The following CASP2 variants were observed in gnomAD, a reference collection of about 807,000 sequenced individuals.
CASP2 encodes the protein caspase 2.
In CASP2, 38 loss-of-function variants were observed where a neutral mutation model predicts 54.4. The ratio of observed to expected loss-of-function variants is 0.70; its 90% CI spans 0.54 to 0.92. The LOEUF (loss-of-function observed/expected upper bound fraction) is 0.92. CASP2 is among the 40% of genes least tolerant of loss of function. The pLI, the probability that CASP2 is intolerant of heterozygous loss-of-function variation, is 0.00. For missense variants in CASP2, 512 were observed against 579.6 expected (o/e 0.88, Z 1.20); for synonymous variants, 215 against 216.3 (o/e 0.99, Z 0.05).
intron 6 of CASP2, chr7:143,298,619 C>G (rs1017409737): frequency 6.6e-6 from 1 of 152,134 alleles, no homozygotes; most frequent in African/African-American, 2.4e-5. Context: ...CTATGCTGAT[C>G]AGGTGTCCAA....
chr7:143,299,887 C>T (rs1801863734), intron 6 of CASP2, 36 bp from the exon 7 acceptor site: 1 of 1,612,654 alleles, frequency 6.2e-7, no homozygotes, highest in African/African-American at 1.3e-5. Flanking sequence ...TTGGTGCTGA[C>T]CTTAGTGCAC....
At chr7:143,300,578 T>G (rs755800033) in intron 8 of CASP2, 153 of 1,467,558 alleles carry the variant, frequency 1.0e-4, no homozygotes, top group Non-Finnish European at 1.3e-4. Flanking sequence ...CTGAGAACTC[T>G]TACTCTTTTC....
chr7:143,293,067 T>G (rs1051202545), intron 4 of CASP2: 1 of 619,204 alleles, frequency 1.6e-6, no homozygotes. Flanking sequence ...TGACTTCCCC[T>G]TTCTTGTCTG....
chr7:143,295,181 C>T (rs965269297), intron 6 of CASP2, among the ~76,000 whole-genome samples: 3 of 152,150 alleles, frequency 2.0e-5, no homozygotes, highest in African/African-American at 4.8e-5. Flanking sequence ...GCGCATGCAA[C>T]CATACCTGGC....
Position 143,304,762 on chromosome 7 carries a change from C to T in CASP2, c.1206C>T (p.His402=), listed in dbSNP as rs780394814. Residue 402 remains histidine (H), a synonymous_variant, in exon 10 of 11, where the codon CAC becomes CAT. Transcript: ENST00000310447. The part of the protein sequence containing the change: ...QVFSERACDM[H]VADMLVKVNA... ...TTTCTGAGCGGGCTTGTGATATGCA[C>T]GTGGCCGACATGCTGGTTAAGGTGA... is the stretch of plus-strand genomic sequence containing the variant. The T allele has an allele frequency of 5.0e-6, 8 of 1,613,936 alleles. No individual in the cohort carries two copies. The highest frequency in any genetic ancestry group is 1.6e-4 in the Middle Eastern group (1 of 6,084).
chr7:143,304,171 A>T (rs2116807430), intron 9 of CASP2, among the ~76,000 whole-genome samples: 1 of 152,310 alleles, frequency 6.6e-6, no homozygotes. Context: ...TTCTTTGAGC[A>T]TCATATTGGC....
chr7:143,288,673 G>A (rs559651492), intron 1 of CASP2, 144 bp downstream of exon 1: 85 of 759,048 alleles, frequency 1.1e-4, no homozygotes, highest in East Asian at 9.5e-4. Context: ...TGGGACGCCC[G>A]CCCGAGCCGC....
Position 143,300,071 on chromosome 7 carries a change from A to G in CASP2, c.876+20A>G. On this transcript the variant is annotated intron_variant, in intron 7 of 10. Transcript: ENST00000310447. The stretch of plus-strand genomic sequence containing the variant: ...CTCCAGGTGCGGATACCCTGGTGGA[A>G]GCCAACTGTTGAAACCAGGCTGCTT... 1.9e-6 allele frequency: 3 copies of G among 1,614,092 alleles called. No homozygotes were observed. Among genetic ancestry groups the G allele is most frequent in the Non-Finnish European group, 2.5e-6 (3 of 1,180,014 alleles).
rs752010369 is a variant in CASP2 at position 143,292,377 on chromosome 7, C to T, written c.303C>T (p.Ala101=). ...AGAGGGGTCCCCAAGCTTTTGATGCCTTCTGTGAAGCACTGAGGGAGACCA... is the reference window on the plus strand; with the variant it reads ...AGAGGGGTCCCCAAGCTTTTGATGCTTTCTGTGAAGCACTGAGGGAGACCA... ...LPKRGPQAFD[A]FCEALRETKQ... Residue 101 remains alanine (A), a synonymous_variant, in exon 3 of 11, where the codon GCC becomes GCT. Coordinates refer to ENST00000310447, the MANE Select transcript of CASP2 (RefSeq NM_032982.4). 1.2e-6 allele frequency: 2 copies of T among 1,614,152 alleles called. No homozygotes were observed. The highest frequency in any genetic ancestry group is 2.2e-5 in the South Asian group (2 of 91,080).
In CASP2 at chr7:143,291,547, G is replaced by T; in HGVS notation, c.82G>T (p.Gly28Ter). 6.2e-7 allele frequency: 1 copy of T among 1,614,000 alleles called. No homozygotes were observed. Residue 28 changes from glycine (G) to a stop codon, truncating the protein, a stop_gained, in exon 2 of 11, where the codon GGA (glycine) becomes TGA (stop). Transcript: ENST00000310447. LOFTEE classifies it high-confidence loss of function. ...TCTACCGTTTATCTGTAGGATATTG[G>T]GAGTGTGTGGCATGCATCCTCATCA... ...MAADRGRRIL[G>*]VCGMHPHHQE... is the part of the protein sequence containing the mutation.
intron 9 of CASP2, 61 bp from the exon 10 acceptor site, chr7:143,304,613 G>T (rs754863580): frequency 3.6e-5 from 45 of 1,250,802 alleles, no homozygotes; most frequent in Middle Eastern, 2.3e-4. Flanking sequence ...GCCGAGTCTA[G>T]TTTGGGAAGT....
At chr7:143,290,055 C>CTTTTTTTT (rs35440867) in intron 1 of CASP2, among the ~76,000 whole-genome samples, 4 of 114,518 alleles carry the variant, frequency 3.5e-5, no homozygotes, top group African/African-American at 7.5e-5. Flanking sequence ...TTTTCCCTCC[C>CTTTTTTTT]TTTTTTTTTT....
chr7:143,296,835 A>G (rs1422213512), intron 6 of CASP2, among the ~76,000 whole-genome samples: 3 of 151,566 alleles, frequency 2.0e-5, no homozygotes, highest in Admixed American at 1.3e-4. Flanking sequence ...AGTCTTAGAG[A>G]CTCCTCTTCC....
chr7:143,300,650 CTG>C, intron 8 of CASP2: 1 of 1,273,272 alleles, frequency 7.9e-7, no homozygotes, highest in Non-Finnish European at 1.0e-6. Flanking sequence ...GATTTTTGAT[CTG>C]TCTTTTTCCT....
chr7:143,297,458 T>A (rs897516266), intron 6 of CASP2, among the ~76,000 whole-genome samples: 66 of 152,236 alleles, frequency 4.3e-4, no homozygotes, highest in Non-Finnish European at 2.5e-4. Flanking sequence ...TCTTTTTTTT[T>A]ATTTTGAGAT....
intron 10 of CASP2, 22 bp downstream of exon 10, chr7:143,304,805 C>A (rs1482552210): frequency 6.2e-7 from 1 of 1,606,192 alleles, no homozygotes; most frequent in South Asian, 1.1e-5. Flanking sequence ...GGCTCCGTGA[C>A]CCCTGTGTGT....
Position 143,288,366 on chromosome 7 carries a change from G to A in CASP2, c.-90G>A. 1.3e-5 allele frequency: 17 copies of A among 1,338,744 alleles called. No homozygotes were observed. Among genetic ancestry groups the A allele is most frequent in the Non-Finnish European group, 1.7e-5 (16 of 948,294 alleles). 82.9% of individuals were successfully genotyped at this position (1,338,744 alleles called of 1,614,324 possible). On this transcript the variant is annotated 5_prime_UTR_variant, in exon 1 of 11. Transcript: ENST00000310447. ...AGGCGCAGGCGCAGTGTGCGTCCGCGTCTGAGGGGAGGGATGTGGGGGAAG... is the reference window on the plus strand; with the variant it reads ...AGGCGCAGGCGCAGTGTGCGTCCGCATCTGAGGGGAGGGATGTGGGGGAAG...
rs1261618467 is a variant in CASP2 at position 143,306,283 on chromosome 7, GTC to G, written c.*1215_*1216del. On this transcript the variant is annotated 3_prime_UTR_variant, in exon 11 of 11. Coordinates refer to ENST00000310447, the MANE Select transcript of CASP2 (RefSeq NM_032982.4). ...TTTTTTTTTTTTTTTTTGAGACAGA[GTC>G]TCGCTCTGTCGCCCAGGCTGGAGGG... 1 of 119,422 alleles carries G rather than the reference GTC, an allele frequency of 8.4e-6. No individual in the cohort carries two copies. The highest frequency in any genetic ancestry group is 2.5e-4 in the East Asian group (1 of 4,052). 7.4% of individuals were successfully genotyped at this position (119,422 alleles called of 1,614,324 possible).
rs1393624720 is a variant in CASP2 at position 143,307,493 on chromosome 7, C to T, written c.*2422C>T. 1 of 152,182 alleles carries T rather than the reference C, an allele frequency of 6.6e-6. No individual in the cohort carries two copies. The highest frequency in any genetic ancestry group is 2.4e-5 in the African/African-American group (1 of 41,436). 9.4% of individuals were successfully genotyped at this position (152,182 alleles called of 1,614,324 possible). A position where few individuals can be genotyped will look rare whatever the true frequency, so the allele number is the denominator to read the frequency against. On this transcript the variant is annotated 3_prime_UTR_variant, in exon 11 of 11. Transcript: ENST00000310447. Reference sequence around the variant, plus strand: ...GTGAGATAACTTCCTTCACATCTCCCATGGTCCCTAGCAAAATGCTAGGCC... The same window carrying T: ...GTGAGATAACTTCCTTCACATCTCCTATGGTCCCTAGCAAAATGCTAGGCC...
Sources: allele counts gnomAD v4.1 joint callset (sites outside exome capture counted in the v4.1 genomes callset), GRCh38; gene constraint gnomAD v4.1.1; transcripts MANE v1.5; gene names NCBI Gene and HGNC (gene_info 2026-07-23, HGNC 2026-07-21).